The following MYO9A variants were observed in gnomAD, a reference collection of about 807,000 sequenced individuals.
MYO9A encodes myosin IXA.
A neutral mutation model predicts 293.3 loss-of-function variants in MYO9A; 103 were observed. The observed-to-expected ratio is 0.35, with a 90% CI of 0.30 to 0.41. The LOEUF (loss-of-function observed/expected upper bound fraction) is 0.41, where lower values mean the gene tolerates loss of function less well. Among genes scored for constraint, MYO9A ranks in the 10% least tolerant of loss-of-function variants. The probability of loss-of-function intolerance (pLI) is 1.00; values close to 1 mark genes in which losing one functional copy is unlikely to be tolerated. For missense variants in MYO9A, 2,685 were observed against 3,033.0 expected, an observed-to-expected ratio of 0.89 and a Z score of 2.69; for synonymous variants, 1,001 against 1,035.7, an observed-to-expected ratio of 0.97 and a Z score of 0.64.
chr15:71,935,504 C>CTT lies in MYO9A; in HGVS notation c.2379-22_2379-21dup, dbSNP rs766050789. On this transcript the variant is annotated intron_variant, in intron 16 of 41. Transcript: ENST00000356056. ...GTATCACTGTAAAAAATATAATTTG[C>CTT]TTTAGTTAATGAAGACGTCTCTAAC... 3.1e-6 allele frequency: 5 copies of CTT among 1,609,076 alleles called. No homozygotes were observed. The South Asian group carries it at 5.5e-5, about 18-fold the overall frequency.
intron 32 of MYO9A, among the ~76,000 whole-genome samples, chr15:71,869,985 AATCT>A (rs2142040099): frequency 6.6e-6 from 1 of 152,328 alleles, no homozygotes; most frequent in Admixed American, 6.5e-5. Context: ...GGCATGTGAC[AATCT>A]ATCTAAACTT....
At chr15:71,846,233 C>G (rs917193160) in intron 39 of MYO9A, among the ~76,000 whole-genome samples, 2 of 152,140 alleles carry the variant, frequency 1.3e-5, no homozygotes, top group African/African-American at 2.4e-5. Flanking sequence ...TTTACTTAGC[C>G]TACTGACAAT....
chr15:71,939,355 C>T (rs1231779744), intron 15 of MYO9A, among the ~76,000 whole-genome samples: 1 of 152,184 alleles, frequency 6.6e-6, no homozygotes, highest in Non-Finnish European at 1.5e-5. Flanking sequence ...TCTCCCTCCT[C>T]CCAACCTCCA....
intron 1 of MYO9A, among the ~76,000 whole-genome samples, chr15:72,098,461 T>C (rs1362792622): frequency 6.6e-6 from 1 of 152,152 alleles, no homozygotes; most frequent in Non-Finnish European, 1.5e-5. Flanking sequence ...AATTTTTAAA[T>C]ATACTCCTAA....
intron 2 of MYO9A, among the ~76,000 whole-genome samples, chr15:72,037,928 T>C (rs1368194580): frequency 7.6e-4 from 115 of 151,202 alleles, no homozygotes; most frequent in Admixed American, 1.6e-3. Context: ...TTTTTTTTTT[T>C]CTCTGAGACA....
At chr15:72,061,741 A>G (rs1338626974) in intron 1 of MYO9A, among the ~76,000 whole-genome samples, 1 of 151,996 alleles carries the variant, frequency 6.6e-6, no homozygotes, top group Admixed American at 6.6e-5. Context: ...GCATTTCCAG[A>G]CTCACCCTGG....
chr15:71,918,299 T>C (rs2058065128), intron 18 of MYO9A, among the ~76,000 whole-genome samples: 1 of 152,154 alleles, frequency 6.6e-6, no homozygotes, highest in Non-Finnish European at 1.5e-5. Flanking sequence ...ATATTTATTC[T>C]AAGGAGTTAT....
chr15:71,850,286 G>GAAGGAT, intron 37 of MYO9A, 119 bp from the exon 38 acceptor site: 1 of 1,159,024 alleles, frequency 8.6e-7, no homozygotes, highest in Non-Finnish European at 1.2e-6. Flanking sequence ...CATAGTACTA[G>GAAGGAT]AAGGATATCC....
chr15:72,005,221 G>C (rs2076981903), intron 8 of MYO9A, among the ~76,000 whole-genome samples: 1 of 152,164 alleles, frequency 6.6e-6, no homozygotes, highest in Non-Finnish European at 1.5e-5. Context: ...GGGTTCAAAA[G>C]TAAGATTTTC....
chr15:72,067,392 C>T (rs1467290459), intron 1 of MYO9A, among the ~76,000 whole-genome samples: 2 of 151,954 alleles, frequency 1.3e-5, no homozygotes, highest in Non-Finnish European at 2.9e-5. Flanking sequence ...TCACTGTAAC[C>T]TCCGCCTCAG....
At chr15:72,012,952 A>G (rs1374445816) in intron 6 of MYO9A, among the ~76,000 whole-genome samples, 2 of 152,232 alleles carry the variant, frequency 1.3e-5, no homozygotes, top group Non-Finnish European at 2.9e-5. Flanking sequence ...AGTGAATATC[A>G]AAATCATAGT....
Position 71,831,337 on chromosome 15 carries a change from G to A in MYO9A, c.6838-1026C>T, listed in dbSNP as rs568451963. 5.3e-5 allele frequency among the ~76,000 whole-genome samples: 8 copies of A among 152,272 alleles called. No homozygotes were observed. In the South Asian group the frequency reaches 1.7e-3, roughly 32 times the overall value. On this transcript the variant is annotated intron_variant, in intron 39 of 41. Transcript: ENST00000356056. ...TTATTGCTGCTTTTGCAGAACAATG[G>A]CAGAGTTGATTGTTGAGACAGAGAT...
At chr15:72,052,992 C>A (rs2078612649) in intron 1 of MYO9A, among the ~76,000 whole-genome samples, 1 of 152,206 alleles carries the variant, frequency 6.6e-6, no homozygotes, top group Non-Finnish European at 1.5e-5. Context: ...GAAGTATCAC[C>A]CCATAGCAAG....
intron 18 of MYO9A, among the ~76,000 whole-genome samples, chr15:71,933,103 AAAT>A (rs1353462113): frequency 5.9e-5 from 9 of 152,158 alleles, no homozygotes; most frequent in Non-Finnish European, 1.2e-4. Context: ...ATATGGGTTA[AAAT>A]AATAATATTT....
intron 34 of MYO9A, among the ~76,000 whole-genome samples, chr15:71,857,193 A>C (rs971195033): frequency 6.6e-6 from 1 of 152,210 alleles, no homozygotes; most frequent in Non-Finnish European, 1.5e-5. Context: ...GAAACTAAGT[A>C]ATCTAAAGCA....
chr15:72,071,021 A>G (rs761384974), intron 1 of MYO9A, among the ~76,000 whole-genome samples: 30 of 152,252 alleles, frequency 2.0e-4, no homozygotes, highest in Non-Finnish European at 3.8e-4. Context: ...TAAGACCTCA[A>G]AAGAAACTGC....
At chr15:72,083,715 C>T (rs2079622538) in intron 1 of MYO9A, among the ~76,000 whole-genome samples, 1 of 152,174 alleles carries the variant, frequency 6.6e-6, no homozygotes, top group Non-Finnish European at 1.5e-5. Context: ...TCTTTGGTCT[C>T]ATTAGTTTCA....
intron 33 of MYO9A, among the ~76,000 whole-genome samples, chr15:71,860,849 C>G (rs2056085974): frequency 6.6e-6 from 1 of 151,534 alleles, no homozygotes; most frequent in Admixed American, 6.6e-5. Flanking sequence ...CACCTGTAAT[C>G]CCAGCTACTT....
intron 19 of MYO9A, among the ~76,000 whole-genome samples, chr15:71,912,552 G>A (rs2057890771): frequency 6.6e-6 from 1 of 152,170 alleles, no homozygotes; most frequent in Non-Finnish European, 1.5e-5. Context: ...CACCAAGCCT[G>A]TCCAAGAAAA....
Sources: gnomAD v4.1 joint callset for allele counts (sites outside exome capture counted in the v4.1 genomes callset) on GRCh38, gnomAD v4.1.1 for gene constraint, MANE v1.5 for transcripts, NCBI Gene and HGNC (gene_info 2026-07-23, HGNC 2026-07-21) for gene names.